Variants in SEMA5A observed in about 807,000 individuals in gnomAD.
SEMA5A encodes semaphorin 5A.
Under a neutral mutation model 135.5 loss-of-function variants are expected in SEMA5A, and 55 were observed. The observed-to-expected ratio is 0.41, with a 90% CI of 0.33 to 0.51. The LOEUF is 0.51. SEMA5A is among the 20% of genes least tolerant of loss of function. The pLI, the probability that SEMA5A is intolerant of heterozygous loss-of-function variation, is 0.37. For missense variants in SEMA5A, 1,290 were observed against 1,419.9 expected (o/e 0.91, Z 1.47); for synonymous variants, 580 against 546.5 (o/e 1.06, Z -0.85).
At chr5:9,374,200 G>A (rs1048696640) in intron 3 of SEMA5A, among the ~76,000 whole-genome samples, 8 of 152,244 alleles carry the variant, frequency 5.3e-5, no homozygotes, top group South Asian at 2.1e-4. Flanking sequence ...CTGTTAAAGC[G>A]TGTTATGCAA....
At chr5:9,543,023 T>C (rs191751584) in intron 1 of SEMA5A, among the ~76,000 whole-genome samples, 3 of 152,192 alleles carry the variant, frequency 2.0e-5, no homozygotes, top group Non-Finnish European at 4.4e-5. Context: ...ATAAAATCAC[T>C]TGAAACTCTT....
intron 2 of SEMA5A, among the ~76,000 whole-genome samples, chr5:9,436,412 T>C (rs563429829): frequency 6.6e-6 from 1 of 152,246 alleles, no homozygotes; most frequent in African/African-American, 2.4e-5. Flanking sequence ...CAGACCTCCG[T>C]TTCTTCTTCT....
intron 8 of SEMA5A, among the ~76,000 whole-genome samples, chr5:9,215,969 G>A (rs1283070080): frequency 6.6e-6 from 1 of 152,038 alleles, no homozygotes; most frequent in Non-Finnish European, 1.5e-5. Context: ...TTTAAACACA[G>A]GCTATATATG....
chr5:9,539,278 A>G (rs952630889), intron 1 of SEMA5A, among the ~76,000 whole-genome samples: 4 of 152,214 alleles, frequency 2.6e-5, no homozygotes, highest in Non-Finnish European at 5.9e-5. Flanking sequence ...ATATTGCAGC[A>G]TATATCAAGA....
chr5:9,350,759 TC>T (rs1188312994), intron 3 of SEMA5A, among the ~76,000 whole-genome samples: 4 of 152,258 alleles, frequency 2.6e-5, no homozygotes, highest in African/African-American at 9.6e-5. Flanking sequence ...GAGAGAACAA[TC>T]TTTCCCAAGC....
intron 4 of SEMA5A, among the ~76,000 whole-genome samples, chr5:9,333,953 C>T (rs2150709948): frequency 6.6e-6 from 1 of 152,048 alleles, no homozygotes; most frequent in East Asian, 1.9e-4. Flanking sequence ...ATGCATTTAA[C>T]ATAATACGAA....
intron 6 of SEMA5A, among the ~76,000 whole-genome samples, chr5:9,234,033 C>G (rs943323392): frequency 6.6e-6 from 1 of 152,144 alleles, no homozygotes; most frequent in East Asian, 1.9e-4. Context: ...ATTCTGTTCT[C>G]ATAAGAACTT....
intron 5 of SEMA5A, among the ~76,000 whole-genome samples, chr5:9,277,458 T>C (rs1295339954): frequency 6.6e-6 from 1 of 152,190 alleles, no homozygotes; most frequent in African/African-American, 2.4e-5. Flanking sequence ...AGCAATCTCA[T>C]CACTGGGTAT....
At chr5:9,474,859 C>A (rs1288895070) in intron 1 of SEMA5A, among the ~76,000 whole-genome samples, 4 of 152,224 alleles carry the variant, frequency 2.6e-5, no homozygotes, top group Non-Finnish European at 5.9e-5. Flanking sequence ...ACAGGTGAGC[C>A]TTTTCCTGCC....
intron 1 of SEMA5A, among the ~76,000 whole-genome samples, chr5:9,533,198 C>A (rs1737554968): frequency 6.6e-6 from 1 of 152,200 alleles, no homozygotes; most frequent in Non-Finnish European, 1.5e-5. Flanking sequence ...TGGAAATATT[C>A]CACCACAGGA....
At chr5:9,431,999 G>T (rs1380023605) in intron 2 of SEMA5A, among the ~76,000 whole-genome samples, 1 of 152,206 alleles carries the variant, frequency 6.6e-6, no homozygotes, top group African/African-American at 2.4e-5. Context: ...CTAAACAAAA[G>T]AGGGGAAAAG....
intron 20 of SEMA5A, among the ~76,000 whole-genome samples, chr5:9,051,005 T>G (rs992799376): frequency 1.3e-5 from 2 of 152,226 alleles, no homozygotes; most frequent in Non-Finnish European, 2.9e-5. Flanking sequence ...ATGTTTTAAC[T>G]CCTGAGGATA....
Position 9,044,516 on chromosome 5 carries a change from G to GC in SEMA5A, c.2961dup (p.Leu988AlafsTer28), listed in dbSNP as rs766316320. On this transcript the variant is annotated frameshift_variant, in exon 22 of 23. Transcript: ENST00000382496. LOFTEE classifies it high-confidence loss of function. The stretch of plus-strand genomic sequence containing the variant: ...TACCGCTGGCAGTAAGTATAGACGA[G>GC]CAGGGTGAGGAGGCAGCCGAGGATG... 1.2e-6 allele frequency: 2 copies of GC among 1,613,938 alleles called. No homozygotes were observed. The highest frequency in any genetic ancestry group is 3.3e-5 in the Admixed American group (2 of 60,000).
In SEMA5A at chr5:9,541,474, C is replaced by G. The variant is rs1311926201; in HGVS notation, c.-175+4110G>C. 1.3e-5 allele frequency among the ~76,000 whole-genome samples: 2 copies of G among 152,036 alleles called. 1 individual carries two copies. The highest frequency in any genetic ancestry group is 2.9e-5 in the Non-Finnish European group (2 of 68,002). ...CCTTTCAATAATAAAAGAATTTCAT[C>G]CTCTAAAAAAATTATTCTCTTTTAA... On this transcript the variant is annotated intron_variant, in intron 1 of 22. Coordinates refer to ENST00000382496, the MANE Select transcript of SEMA5A (RefSeq NM_003966.3).
At chr5:9,309,061 G>C (rs977312260) in intron 5 of SEMA5A, among the ~76,000 whole-genome samples, 1 of 152,146 alleles carries the variant, frequency 6.6e-6, no homozygotes. Context: ...ACAGAAGAAA[G>C]AGTAAGTGGA....
intron 11 of SEMA5A, among the ~76,000 whole-genome samples, chr5:9,173,076 AG>A (rs1275624734): frequency 6.6e-6 from 1 of 152,186 alleles, no homozygotes; most frequent in Non-Finnish European, 1.5e-5. Context: ...AAAATTCAAA[AG>A]CTCTTTACTG....
At chr5:9,500,036 C>A (rs1158110445) in intron 1 of SEMA5A, among the ~76,000 whole-genome samples, 1 of 152,168 alleles carries the variant, frequency 6.6e-6, no homozygotes. Context: ...CAGTATCCAT[C>A]TGTTACTCAT....
chr5:9,381,529 TA>T (rs1349286380), intron 2 of SEMA5A, among the ~76,000 whole-genome samples: 3 of 152,194 alleles, frequency 2.0e-5, no homozygotes, highest in Non-Finnish European at 2.9e-5. Context: ...TGGCAGTTGC[TA>T]CATCCTGTAG....
chr5:9,433,423 A>G lies in SEMA5A; in HGVS notation c.-78+4333T>C, dbSNP rs190784037. ...TTTAAAAGGATAAAGCAAACAAGCA[A>G]ATGAAATAGCGGAAAAAACAGTGAC... On this transcript the variant is annotated intron_variant, in intron 2 of 22. Coordinates refer to ENST00000382496, the MANE Select transcript of SEMA5A (RefSeq NM_003966.3). Among the ~76,000 whole-genome samples, 168 of 152,304 alleles carry G rather than the reference A, an allele frequency of 1.1e-3. 1 individual carries two copies. Among genetic ancestry groups the G allele is most frequent in the South Asian group, 1.7e-3 (8 of 4,830 alleles).
Sources: gnomAD v4.1 joint callset for allele counts (sites outside exome capture counted in the v4.1 genomes callset) on GRCh38, gnomAD v4.1.1 for gene constraint, MANE v1.5 for transcripts, NCBI Gene and HGNC (gene_info 2026-07-23, HGNC 2026-07-21) for gene names.